PKIB: variants seen among roughly 807,000 people sequenced by gnomAD.
PKIB encodes cAMP-dependent protein kinase inhibitor beta, also known as PKI-beta.
PKIB carries 2 observed loss-of-function variants against 4.5 expected under a neutral mutation model. The observed-to-expected ratio is 0.44, with a 90% CI of 0.18 to 1.39. The LOEUF (loss-of-function observed/expected upper bound fraction) is 1.39. Ranked by LOEUF, PKIB falls within the 40% of genes most tolerant of loss-of-function variation. PKIB has a pLI of 0.27. For synonymous variants in PKIB, 38 were observed against 36.0 expected (o/e 1.06, Z -0.20); for missense variants, 94 against 92.6 (o/e 1.02, Z -0.06).
At chr6:122,637,219 A>G (rs1319544248) in intron 2 of PKIB, among the ~76,000 whole-genome samples, 3 of 152,222 alleles carry the variant, frequency 2.0e-5, no homozygotes, top group Non-Finnish European at 4.4e-5. Context: ...CATATAAAAC[A>G]GAGAAGAGAC....
intron 2 of PKIB, among the ~76,000 whole-genome samples, chr6:122,545,813 G>T (rs1386840044): frequency 6.6e-6 from 1 of 150,654 alleles, no homozygotes; most frequent in Non-Finnish European, 1.5e-5. Flanking sequence ...GAAAATAAAT[G>T]AATAAATAAA....
intron 2 of PKIB, among the ~76,000 whole-genome samples, chr6:122,509,940 A>G (rs111777251): frequency 3.3e-5 from 5 of 150,148 alleles, no homozygotes; most frequent in African/African-American, 1.2e-4. Context: ...TAATTCTTTT[A>G]TGGCCTTGGG....
Position 122,495,312 on chromosome 6 carries a change from C to T in PKIB, c.-248+17373C>T, listed in dbSNP as rs551699205. Among the ~76,000 whole-genome samples, 29 of 152,148 alleles carry T rather than the reference C, an allele frequency of 1.9e-4. No homozygotes were observed. The South Asian group carries it at 2.1e-3, about 11-fold the overall frequency. ...GCAGCTGAGGGGGTCCTGCCTTCCT[C>T]GGTGGAAGGCCCATAGCACAGCTGC... On this transcript the variant is annotated intron_variant, in intron 2 of 6. Coordinates refer to the PKIB transcript ENST00000392491.
chr6:122,621,094 T>C (rs545191716), intron 1 of PKIB, among the ~76,000 whole-genome samples: 2 of 152,266 alleles, frequency 1.3e-5, no homozygotes, highest in South Asian at 4.1e-4. Context: ...ATTGGCTTAT[T>C]TACCCTACAA....
chr6:122,518,330 G>T (rs910630840), intron 2 of PKIB, among the ~76,000 whole-genome samples: 5 of 152,072 alleles, frequency 3.3e-5, no homozygotes, highest in Non-Finnish European at 7.4e-5. Context: ...TCTAGAAGGG[G>T]ATAGAAGAAA....
At chr6:122,531,710 G>T (rs565006312) in intron 2 of PKIB, among the ~76,000 whole-genome samples, 1 of 152,122 alleles carries the variant, frequency 6.6e-6, no homozygotes, top group Admixed American at 6.6e-5. Context: ...TGAGCTAGAT[G>T]CACCTTCTAT....
intron 4 of PKIB, among the ~76,000 whole-genome samples, chr6:122,720,340 A>G (rs777949574): frequency 2.0e-4 from 31 of 152,184 alleles, no homozygotes; most frequent in Admixed American, 3.3e-4. Context: ...AAGGTCAATG[A>G]TATTTGATGA....
At chr6:122,472,447 CTCAAACAT>C (rs1775330727) in intron 1 of PKIB, among the ~76,000 whole-genome samples, 1 of 102,784 alleles carries the variant, frequency 9.7e-6, no homozygotes, top group South Asian at 4.1e-4. Context: ...CATTATCAAA[CTCAAACAT>C]TGATTTCGAA....
At chr6:122,710,756 A>C (rs865980446) in intron 3 of PKIB, among the ~76,000 whole-genome samples, 51 of 152,302 alleles carry the variant, frequency 3.3e-4, no homozygotes, top group African/African-American at 1.1e-3. Flanking sequence ...CACAGTATCT[A>C]GCGTGGGGCT....
intron 2 of PKIB, among the ~76,000 whole-genome samples, chr6:122,549,114 G>C (rs1195567238): frequency 6.6e-6 from 1 of 152,112 alleles, no homozygotes; most frequent in Non-Finnish European, 1.5e-5. Context: ...TCAGCCCTGG[G>C]TACTACTGTG....
chr6:122,621,709 A>C (rs1446965402), intron 1 of PKIB, among the ~76,000 whole-genome samples: 2 of 152,222 alleles, frequency 1.3e-5, no homozygotes, highest in African/African-American at 4.8e-5. Context: ...TGTAGCTGGA[A>C]ATTTGATAGG....
chr6:122,643,375 A>T (rs1466516099), intron 2 of PKIB: 1 of 152,198 alleles, frequency 6.6e-6, no homozygotes, highest in Non-Finnish European at 1.5e-5. Context: ...TAAGATAATT[A>T]AAAATCAGCA....
chr6:122,685,441 A>G (rs1447581367), intron 3 of PKIB, among the ~76,000 whole-genome samples: 4 of 152,130 alleles, frequency 2.6e-5, no homozygotes, highest in African/African-American at 9.7e-5. Context: ...AACTGCCTAT[A>G]AAAAAAGAAA....
chr6:122,716,256 A>G (rs757360801), intron 3 of PKIB, among the ~76,000 whole-genome samples: 12 of 152,190 alleles, frequency 7.9e-5, no homozygotes, highest in Non-Finnish European at 1.5e-4. Context: ...CTGTGAATCC[A>G]TAGGCTAATT....
intron 2 of PKIB, among the ~76,000 whole-genome samples, chr6:122,581,222 G>A (rs1773693130): frequency 6.6e-6 from 1 of 152,134 alleles, no homozygotes; most frequent in African/African-American, 2.4e-5. Context: ...ATAGAGGACA[G>A]AATAGATGTT....
intron 2 of PKIB, among the ~76,000 whole-genome samples, chr6:122,525,418 A>G (rs990542670): frequency 6.6e-6 from 1 of 152,062 alleles, no homozygotes; most frequent in Non-Finnish European, 1.5e-5. Flanking sequence ...GGAATGTTCT[A>G]TGTGCACTTG....
Position 122,652,322 on chromosome 6 carries a change from GTGTGTGTGTGTGGA to G in PKIB, c.-76+18956_-76+18969del, listed in dbSNP as rs1446596339. 5.3e-3 allele frequency among the ~76,000 whole-genome samples: 651 copies of G among 121,828 alleles called. 6 individuals carry two copies. Among genetic ancestry groups the G allele is most frequent in the African/African-American group, 0.017 (495 of 29,996 alleles). 79.9% of individuals were successfully genotyped at this position (121,828 alleles called of 152,430 possible). A position where few individuals can be genotyped will look rare whatever the true frequency, so the allele number is the denominator to read the frequency against. ...TGTGTGTGTGTGTGTGTGTGTGTGT[GTGTGTGTGTGTGGA>G]GAGAGAGAGATTTATTGAAAAGAAT... On this transcript the variant is annotated intron_variant, in intron 2 of 4. Coordinates refer to ENST00000368452, the MANE Select transcript of PKIB (RefSeq NM_181795.3).
intron 3 of PKIB, among the ~76,000 whole-genome samples, chr6:122,694,829 A>T (rs1404012500): frequency 6.6e-6 from 1 of 152,212 alleles, no homozygotes; most frequent in Non-Finnish European, 1.5e-5. Context: ...CATAGCTGGG[A>T]GAAGGTCACA....
At chr6:122,680,720 T>C (rs1366891284) in intron 3 of PKIB, among the ~76,000 whole-genome samples, 3 of 152,208 alleles carry the variant, frequency 2.0e-5, no homozygotes, top group Non-Finnish European at 4.4e-5. Flanking sequence ...AGCTCCAACA[T>C]GTCTGAGTTA....
Sources: allele counts gnomAD v4.1 joint callset (sites outside exome capture counted in the v4.1 genomes callset), GRCh38; gene constraint gnomAD v4.1.1; transcripts MANE v1.5; gene names NCBI Gene and HGNC (gene_info 2026-07-23, HGNC 2026-07-21).